Variants in MEPE observed in about 807,000 individuals in gnomAD.
The protein encoded by MEPE is matrix extracellular phosphoglycoprotein, also known as matrix, extracellular phosphoglycoprotein with ASARM motif (bone).
MEPE carries 7 observed loss-of-function variants against 7.3 expected under a neutral mutation model. That is an observed-to-expected ratio of 0.95 (90% CI 0.54 to 1.79). MEPE has a LOEUF of 1.79. MEPE is among the 40% of genes most tolerant of loss of function. MEPE has a pLI of 0.00. For synonymous variants in MEPE, 214 were observed against 213.1 expected (o/e 1.00, Z -0.04); for missense variants, 623 against 628.2 (o/e 0.99, Z 0.09).
chr4:87,837,599 C>T (rs1722848562), intron 2 of MEPE: 1 of 152,136 alleles, frequency 6.6e-6, no homozygotes. Flanking sequence ...CCTAGGCGGC[C>T]CTCTTTCTGT....
intron 3 of MEPE, chr4:87,839,775 A>C: frequency 6.5e-7 from 1 of 1,549,336 alleles, no homozygotes; most frequent in Non-Finnish European, 8.7e-7. Context: ...AACTGATGTA[A>C]AGGTAAGCTG....
chr4:87,841,518 G>A (rs1304222963), intron 3 of MEPE, among the ~76,000 whole-genome samples: 1 of 151,918 alleles, frequency 6.6e-6, no homozygotes, highest in Non-Finnish European at 1.5e-5. Context: ...ATTATACATT[G>A]GCACTTTTGC....
At chr4:87,826,981 TG>T in intron 1 of MEPE, among the ~76,000 whole-genome samples, 1 of 152,364 alleles carries the variant, frequency 6.6e-6, no homozygotes. Flanking sequence ...ATTCTTTTGC[TG>T]TGCAGAAGCT....
chr4:87,839,539 C>T, intron 3 of MEPE: 1 of 620,188 alleles, frequency 1.6e-6, no homozygotes, highest in Non-Finnish European at 2.8e-6. Flanking sequence ...CACACACCCT[C>T]CTGTGGTTAT....
At chr4:87,837,511 A>G (rs1358533005) in intron 2 of MEPE, 1 of 152,236 alleles carries the variant, frequency 6.6e-6, no homozygotes, top group Non-Finnish European at 1.5e-5. Flanking sequence ...GCAAGCAACA[A>G]CCTGTCTGTA....
At chr4:87,826,242 C>G (rs1244622254) in intron 1 of MEPE, among the ~76,000 whole-genome samples, 1 of 146,370 alleles carries the variant, frequency 6.8e-6, no homozygotes, top group African/African-American at 2.5e-5. Context: ...TTTTTTGAGA[C>G]AGAGTCTTAC....
At chr4:87,840,140 C>G in intron 3 of MEPE, 1 of 1,440,162 alleles carries the variant, frequency 6.9e-7, no homozygotes, top group East Asian at 2.5e-5. Context: ...ACCATATGCT[C>G]TGATGGTGGG....
At position 87,845,589 on chromosome 4, in the gene MEPE, T is replaced by C. The variant is rs1294384379; in HGVS notation, c.721T>C (p.Tyr241His). The C allele has an allele frequency of 1.2e-6, 2 of 1,613,468 alleles. No homozygotes were observed. The highest frequency in any genetic ancestry group is 1.1e-5 in the South Asian group (1 of 90,908). ...CCCCAGTGATTTTGAAGGCAGCGGT[T>C]ATACAGATCTTCAAGAGAGAGGGGA... ...KIPSDFEGSG[Y>H]TDLQERGDND... Residue 241 changes from tyrosine (Y) to histidine (H), a missense_variant, in exon 4 of 4, where the codon TAT (tyrosine) becomes CAT (histidine). Tyr to His is a moderately conservative substitution (Grantham distance 83). Coordinates refer to ENST00000361056, the MANE Select transcript of MEPE (RefSeq NM_020203.6).
chr4:87,828,863 A>T (rs140631047), upstream of MEPE, among the ~76,000 whole-genome samples: 144 of 152,266 alleles, frequency 9.5e-4, no homozygotes, highest in African/African-American at 3.4e-3. Flanking sequence ...ACCAGAAAAA[A>T]GTTCAAGTGT....
At chr4:87,840,960 G>A (rs72875499) in intron 3 of MEPE, among the ~76,000 whole-genome samples, 5,719 of 152,214 alleles carry the variant, frequency 0.038, 178 homozygotes, top group Admixed American at 0.07. Context: ...TTTAACACAA[G>A]CAAATGTAAG....
chr4:87,836,025 T>TG (rs1440045288), intron 2 of MEPE, among the ~76,000 whole-genome samples: 1 of 151,746 alleles, frequency 6.6e-6, no homozygotes, highest in Admixed American at 6.6e-5. Flanking sequence ...GACATCTGCT[T>TG]GGGGGTATAG....
At chr4:87,826,256 G>A (rs546460991) in intron 1 of MEPE, among the ~76,000 whole-genome samples, 1 of 148,168 alleles carries the variant, frequency 6.7e-6, no homozygotes, top group South Asian at 2.1e-4. Context: ...GTCTTACGCT[G>A]TCATCAGGCA....
At chr4:87,829,227 T>C (rs1722541968), upstream of MEPE, among the ~76,000 whole-genome samples, 1 of 152,132 alleles carries the variant, frequency 6.6e-6, no homozygotes, top group Admixed American at 6.6e-5. Context: ...TTTTTTGCTT[T>C]TGTCAATTGT....
At chr4:87,822,586 A>G (rs115676772) in intron 1 of MEPE, among the ~76,000 whole-genome samples, 277 of 152,320 alleles carry the variant, frequency 1.8e-3, no homozygotes, top group African/African-American at 6.3e-3. Context: ...AGCTCCCTGC[A>G]TCTCTAATTC....
rs773178722 is a variant in MEPE at position 87,845,440 on chromosome 4, C to A, written c.572C>A (p.Ser191Ter). The A allele has an allele frequency of 1.9e-6, 3 of 1,613,850 alleles. No individual in the cohort carries two copies. Among genetic ancestry groups the A allele is most frequent in the Non-Finnish European group, 2.5e-6 (3 of 1,179,946 alleles). ...PASMNYAKAH[S>*]KDKKKPQRDS... ...AGTATGAATTATGCTAAAGCACACT[C>A]GAAGGATAAAAAGAAGCCTCAAAGA... The change falls in exon 4 of 4, where the codon TCG becomes TAG. Residue 191 changes from serine (S) to a stop codon, truncating the protein, a stop_gained. Coordinates refer to ENST00000361056, the MANE Select transcript of MEPE (RefSeq NM_020203.6). LOFTEE classifies it low-confidence loss of function (END_TRUNC).
intron 3 of MEPE, among the ~76,000 whole-genome samples, chr4:87,844,103 A>G (rs989438139): frequency 3.3e-5 from 5 of 152,046 alleles, no homozygotes; most frequent in Admixed American, 6.6e-5. Flanking sequence ...TATGTACTCC[A>G]TCTACACTGC....
upstream of MEPE, among the ~76,000 whole-genome samples, chr4:87,830,822 A>AT (rs34532685): frequency 0.52 from 76,571 of 148,104 alleles, 20,807 homozygotes; most frequent in Non-Finnish European, 0.61. Context: ...TTTAGATATG[A>AT]TAAAAAAAAA....
At chr4:87,837,779 A>G (rs909977897) in intron 2 of MEPE, 1 of 152,254 alleles carries the variant, frequency 6.6e-6, no homozygotes, top group Non-Finnish European at 1.5e-5. Context: ...AAAGAGGTAA[A>G]TGAAAAATAC....
chr4:87,824,328 G>A (rs1224727309), intron 1 of MEPE, among the ~76,000 whole-genome samples: 1 of 152,168 alleles, frequency 6.6e-6, no homozygotes, highest in Non-Finnish European at 1.5e-5. Context: ...TCTTGTTACA[G>A]AATTCTGAAA....
Sources: gnomAD v4.1 joint callset for allele counts (sites outside exome capture counted in the v4.1 genomes callset) on GRCh38, gnomAD v4.1.1 for gene constraint, MANE v1.5 for transcripts, NCBI Gene and HGNC (gene_info 2026-07-23, HGNC 2026-07-21) for gene names.